Variants in MTA1 observed in about 807,000 individuals in gnomAD.
MTA1 encodes the protein metastasis-associated protein MTA1.
Under a neutral mutation model 97.0 loss-of-function variants are expected in MTA1, and 15 were observed. The observed-to-expected ratio is 0.15, with a 90% CI of 0.10 to 0.24. The LOEUF (loss-of-function observed/expected upper bound fraction) is 0.24. MTA1 is among the 10% of genes least tolerant of loss of function. The probability of loss-of-function intolerance (pLI) is 1.00; values close to 1 mark genes in which losing one functional copy is unlikely to be tolerated. For missense variants in MTA1, 709 were observed against 1,015.1 expected, an observed-to-expected ratio of 0.70 and a Z score of 4.10; for synonymous variants, 435 against 417.5, an observed-to-expected ratio of 1.04 and a Z score of -0.51.
intron 1 of MTA1, among the ~76,000 whole-genome samples, chr14:105,423,434 C>T (rs2081912866): frequency 6.6e-6 from 1 of 152,106 alleles, no homozygotes; most frequent in Admixed American, 6.5e-5. Flanking sequence ...TCAGGCTGGT[C>T]TGGAACTCCT....
At chr14:105,441,077 G>T (rs2082494810) in intron 2 of MTA1, among the ~76,000 whole-genome samples, 1 of 152,182 alleles carries the variant, frequency 6.6e-6, no homozygotes, top group African/African-American at 2.4e-5. Context: ...CAGGAACCAT[G>T]GTGACATGTG....
chr14:105,438,969 G>C (rs1317998857), intron 2 of MTA1, among the ~76,000 whole-genome samples: 4 of 152,178 alleles, frequency 2.6e-5, no homozygotes, highest in Non-Finnish European at 5.9e-5. Context: ...CAGCTGCCCT[G>C]AGCTGCCTGC....
At chr14:105,429,036 T>A (rs2082094037) in intron 1 of MTA1, among the ~76,000 whole-genome samples, 1 of 152,192 alleles carries the variant, frequency 6.6e-6, no homozygotes, top group Admixed American at 6.5e-5. Flanking sequence ...ACCTTGCACT[T>A]TTATGTGGTA....
chr14:105,460,770 C>T lies in MTA1; in HGVS notation c.759C>T (p.His253=), dbSNP rs782031723. 28 of 1,578,254 alleles carry T rather than the reference C, an allele frequency of 1.8e-5. No individual in the cohort carries two copies. The highest frequency in any genetic ancestry group is 2.3e-5 in the South Asian group (2 of 86,962). The stretch of plus-strand genomic sequence containing the variant: ...CCTGCTGTCTCCTGCCGCAGTTCCA[C>T]GCCATGGATACTCTCCACAAGAACA... The part of the protein sequence containing the change: ...AAASRDITLF[H]AMDTLHKNIY... Residue 253 remains histidine, a synonymous_variant, in exon 10 of 21, where the codon CAC becomes CAT. Transcript: ENST00000331320.
intron 1 of MTA1, among the ~76,000 whole-genome samples, chr14:105,433,400 T>C (rs1555423784): frequency 6.6e-6 from 1 of 152,172 alleles, no homozygotes; most frequent in African/African-American, 2.4e-5. Context: ...GGCACCGCGG[T>C]ACGTCACTGT....
At chr14:105,467,639 G>A (rs2083652281) in intron 18 of MTA1, 2 of 373,678 alleles carry the variant, frequency 5.4e-6, no homozygotes, top group Non-Finnish European at 1.1e-5. Context: ...TCCCTTGGCG[G>A]TGTCTGTGTC....
intron 3 of MTA1, among the ~76,000 whole-genome samples, chr14:105,446,487 C>T (rs1224625242): frequency 1.1e-4 from 16 of 152,206 alleles, no homozygotes; most frequent in East Asian, 3.9e-4. Flanking sequence ...TGCGGTGGGT[C>T]GGGTGGGAGG....
intron 1 of MTA1, among the ~76,000 whole-genome samples, chr14:105,425,177 C>T (rs1253535644): frequency 6.6e-6 from 1 of 152,206 alleles, no homozygotes; most frequent in Non-Finnish European, 1.5e-5. Flanking sequence ...CTGAGTCCTG[C>T]TAGGGAGGGT....
At chr14:105,421,003 C>G (rs1244349353) in intron 1 of MTA1, among the ~76,000 whole-genome samples, 1 of 152,236 alleles carries the variant, frequency 6.6e-6, no homozygotes, top group Non-Finnish European at 1.5e-5. Flanking sequence ...CTGGCTTGAT[C>G]CCCATGCCCC....
At chr14:105,427,010 A>C (rs938880339) in intron 1 of MTA1, among the ~76,000 whole-genome samples, 2 of 152,178 alleles carry the variant, frequency 1.3e-5, no homozygotes, top group Non-Finnish European at 2.9e-5. Context: ...GGGTGAGCTC[A>C]GGAGAGTGGG....
intron 1 of MTA1, among the ~76,000 whole-genome samples, chr14:105,430,089 G>A (rs961429859): frequency 5.3e-5 from 8 of 152,146 alleles, no homozygotes; most frequent in African/African-American, 1.7e-4. Context: ...CTTTTCCTCT[G>A]CATTCACAAC....
At chr14:105,448,024 C>T (rs1321424744) in intron 3 of MTA1, among the ~76,000 whole-genome samples, 2 of 152,092 alleles carry the variant, frequency 1.3e-5, no homozygotes, top group Non-Finnish European at 1.5e-5. Flanking sequence ...TAGACACCCG[C>T]CAGGCTGCAC....
intron 7 of MTA1, among the ~76,000 whole-genome samples, chr14:105,457,051 C>T (rs1287618886): frequency 6.6e-6 from 1 of 152,258 alleles, no homozygotes; most frequent in Non-Finnish European, 1.5e-5. Flanking sequence ...GCTGGACCTG[C>T]AGCCGGGCGC....
intron 16 of MTA1, 127 bp from the exon 17 acceptor site, chr14:105,466,299 C>CA (rs34378689): frequency 6.0e-5 from 50 of 832,948 alleles, no homozygotes; most frequent in African/African-American, 1.0e-4. Context: ...GATGGGGCCT[C>CA]GGGTGGGGGC....
chr14:105,437,763 G>A (rs1281311867), intron 1 of MTA1, among the ~76,000 whole-genome samples: 2 of 152,230 alleles, frequency 1.3e-5, no homozygotes, highest in African/African-American at 2.4e-5. Context: ...GTGGGCTGGC[G>A]AGGGTGCTCG....
intron 1 of MTA1, among the ~76,000 whole-genome samples, chr14:105,423,242 T>C (rs1469117855): frequency 1.4e-5 from 2 of 140,726 alleles, no homozygotes; most frequent in Admixed American, 7.0e-5. Context: ...TTTTTTGAGA[T>C]GGAGTCTTGC....
In MTA1 at chr14:105,430,049, G is replaced by A. The variant is rs587617113; in HGVS notation, c.29-8623G>A. Among the ~76,000 whole-genome samples the A allele has an allele frequency of 5.8e-4, 89 of 152,216 alleles. 1 individual carries two copies. The highest frequency in any genetic ancestry group is 2.0e-3 in the African/African-American group (84 of 41,528). On this transcript the variant is annotated intron_variant, in intron 1 of 20. Transcript: ENST00000331320. The stretch of plus-strand genomic sequence containing the variant: ...TGGGAATACAGGTGTGAGCCACTGC[G>A]CCCGACCCACTTTTAGTTTCTTTCA...
Position 105,463,638 on chromosome 14 carries a change from G to A in MTA1, c.1076+87G>A. On this transcript the variant is annotated intron_variant, in intron 12 of 20. Coordinates refer to ENST00000331320, the MANE Select transcript of MTA1 (RefSeq NM_004689.4). This position sits in a 1 kb window ranked among gnomAD's most constrained non-coding sequence, Gnocchi z 5.9. Reference sequence around the variant, plus strand: ...GGTGCTGGGGCCAGGCGGGTCCCAAGGAAACTCAAGCTCAGAGGCTGGGAA... The same window carrying A: ...GGTGCTGGGGCCAGGCGGGTCCCAAAGAAACTCAAGCTCAGAGGCTGGGAA... 7.4e-7 allele frequency: 1 copy of A among 1,356,386 alleles called. No homozygotes were observed. Among genetic ancestry groups the A allele is most frequent in the Non-Finnish European group, 1.0e-6 (1 of 956,884 alleles). 84.0% of individuals were successfully genotyped at this position (1,356,386 alleles called of 1,614,324 possible).
chr14:105,466,618 C>T (rs2083599175), intron 17 of MTA1, 40 bp downstream of exon 17: 4 of 1,568,470 alleles, frequency 2.6e-6, no homozygotes, highest in Non-Finnish European at 2.6e-6. Context: ...GCCCTCCCCG[C>T]CCGGTGAGTC....
Sources: gnomAD v4.1 joint callset for allele counts (sites outside exome capture counted in the v4.1 genomes callset) on GRCh38, gnomAD v4.1.1 for gene constraint, Gnocchi (gnomAD v3.1) non-coding constraint, MANE v1.5 for transcripts, NCBI Gene and HGNC (gene_info 2026-07-23, HGNC 2026-07-21) for gene names.